Variants in PLXDC1 observed in about 807,000 individuals in gnomAD.
PLXDC1 encodes the protein plexin domain-containing protein 1.
A neutral mutation model predicts 61.3 loss-of-function variants in PLXDC1; 39 were observed. That is an observed-to-expected ratio of 0.64 (90% confidence interval 0.49 to 0.83). The LOEUF is 0.83. Ranked by LOEUF, PLXDC1 falls within the 40% of genes least tolerant of loss-of-function variation. The probability of loss-of-function intolerance (pLI) is 0.00; values close to 1 mark genes in which losing one functional copy is unlikely to be tolerated. For missense variants in PLXDC1, 596 were observed against 666.5 expected (o/e 0.89, Z 1.17); for synonymous variants, 212 against 254.5 (o/e 0.83, Z 1.59).
intron 1 of PLXDC1, among the ~76,000 whole-genome samples, chr17:39,142,311 A>C (rs1911960254): frequency 6.6e-6 from 1 of 152,222 alleles, no homozygotes; most frequent in Admixed American, 6.5e-5. Flanking sequence ...TCCATTCGTG[A>C]CAGCCAGAGG....
At chr17:39,119,091 T>C (rs968079821) in intron 2 of PLXDC1, among the ~76,000 whole-genome samples, 2 of 152,188 alleles carry the variant, frequency 1.3e-5, no homozygotes, top group Non-Finnish European at 2.9e-5. Context: ...TCCCAACAGC[T>C]TTCCAGCTTC....
rs73983242 is a variant in PLXDC1 at position 39,147,987 on chromosome 17, G to C, written c.76+3375C>G. 6.7e-3 allele frequency among the ~76,000 whole-genome samples: 1,020 copies of C among 152,278 alleles called. 13 individuals are homozygous for C. The highest frequency in any genetic ancestry group is 0.023 in the African/African-American group (957 of 41,548). On this transcript the variant is annotated intron_variant, in intron 1 of 13. Transcript: ENST00000315392. The stretch of plus-strand genomic sequence containing the variant: ...ACTCTACACAGAGCCATGAGGTGGG[G>C]CTCTCTGAGGAGGGTCCCCTTGAGC...
At chr17:39,119,573 C>T (rs1197679048) in intron 2 of PLXDC1, among the ~76,000 whole-genome samples, 1 of 151,976 alleles carries the variant, frequency 6.6e-6, no homozygotes, top group Non-Finnish European at 1.5e-5. Flanking sequence ...GTTGAAACCA[C>T]CATCTCTACA....
intron 2 of PLXDC1, among the ~76,000 whole-genome samples, chr17:39,131,469 C>G (rs1911560303): frequency 6.6e-6 from 1 of 152,096 alleles, no homozygotes; most frequent in Non-Finnish European, 1.5e-5. Context: ...TCTCCTGCCT[C>G]AGCTTCCCGA....
At chr17:39,145,291 C>T (rs1053288584) in intron 1 of PLXDC1, among the ~76,000 whole-genome samples, 4 of 152,174 alleles carry the variant, frequency 2.6e-5, no homozygotes, top group African/African-American at 9.7e-5. Flanking sequence ...GCAGTAGCGT[C>T]CCAGTCCCCT....
intron 2 of PLXDC1, among the ~76,000 whole-genome samples, chr17:39,139,272 G>A (rs889902922): frequency 1.3e-5 from 2 of 152,182 alleles, no homozygotes; most frequent in African/African-American, 4.8e-5. Flanking sequence ...TGTAGATGGG[G>A]CAGAAATGGG....
intron 7 of PLXDC1, among the ~76,000 whole-genome samples, chr17:39,101,690 A>G (rs1049295255): frequency 6.6e-6 from 1 of 152,152 alleles, no homozygotes; most frequent in Non-Finnish European, 1.5e-5. Context: ...CCAGAACCAT[A>G]AGCCGGGACC....
chr17:39,146,720 G>A (rs1289360773), intron 1 of PLXDC1, among the ~76,000 whole-genome samples: 2 of 151,200 alleles, frequency 1.3e-5, no homozygotes, highest in Non-Finnish European at 2.9e-5. Flanking sequence ...GCCAGATGTG[G>A]TGGTGCATGC....
chr17:39,128,117 A>ATATATATATATATATATATATATATG lies in PLXDC1; in HGVS notation c.255+11536_255+11537insCATATATATATATATATATATATATA, dbSNP rs1419979117. Among the ~76,000 whole-genome samples, 45 of 96,380 alleles carry ATATATATATATATATATATATATATG rather than the reference A, an allele frequency of 4.7e-4. 2 individuals are homozygous for ATATATATATATATATATATATATATG. Among genetic ancestry groups the ATATATATATATATATATATATATATG allele is most frequent in the African/African-American group, 2.1e-3 (42 of 19,632 alleles). 63.2% of individuals were successfully genotyped at this position (96,380 alleles called of 152,430 possible). ...TATGTGTATATATATATATATATGTATATATATATGTGTATATATATGTAT... is the reference window on the plus strand; with the variant it reads ...TATGTGTATATATATATATATATGTATATATATATATATATATATATATATGTATATATATGTGTATATATATGTAT... On this transcript the variant is annotated intron_variant, in intron 2 of 13. Coordinates refer to ENST00000315392, the MANE Select transcript of PLXDC1 (RefSeq NM_020405.5).
rs761234611 is a variant in PLXDC1 at position 39,067,898 on chromosome 17, G to A, written c.1445C>T (p.Ala482Val). Residue 482 changes from alanine (A) to valine (V), a missense_variant, in exon 14 of 14, where the codon GCG becomes GTG. Transcript: ENST00000315392. ...FRSHPDHSTY[A>V]EVEPSGHEKE... The stretch of plus-strand genomic sequence containing the variant: ...CTCATGGCCCGAGGGCTCCACCTCC[G>A]CATAGGTGGAATGGTCAGGGTGGCT... 15 of 1,613,578 alleles carry A rather than the reference G, an allele frequency of 9.3e-6. No individual in the cohort carries two copies. Among genetic ancestry groups the A allele is most frequent in the African/African-American group, 5.3e-5 (4 of 74,908 alleles).
chr17:39,067,995 C>T, intron 13 of PLXDC1, 36 bp from the exon 14 acceptor site: 1 of 1,604,894 alleles, frequency 6.2e-7, no homozygotes, highest in Non-Finnish European at 8.5e-7. Context: ...AGTGGGCATG[C>T]CCCCGCCCCC....
At chr17:39,086,858 T>TAAAAAAAAAA (rs1909758173) in intron 8 of PLXDC1, among the ~76,000 whole-genome samples, 3 of 5,376 alleles carry the variant, frequency 5.6e-4, no homozygotes, top group Non-Finnish European at 1.6e-3. Flanking sequence ...TGAGACTGTC[T>TAAAAAAAAAA]CAAAAAAAAA....
At chr17:39,138,319 GGA>G in intron 2 of PLXDC1, among the ~76,000 whole-genome samples, 1 of 152,170 alleles carries the variant, frequency 6.6e-6, no homozygotes, top group Non-Finnish European at 1.5e-5. Context: ...AGCAAGGGCA[GGA>G]GAGGGGGCCA....
Position 39,067,742 on chromosome 17 carries a change from A to G in PLXDC1, c.*98T>C, listed in dbSNP as rs1908949180. On this transcript the variant is annotated 3_prime_UTR_variant, in exon 14 of 14. Coordinates refer to ENST00000315392, the MANE Select transcript of PLXDC1 (RefSeq NM_020405.5). ...ATAAACCACCATCTCATCTCAGCCCAGGGCATGCTGGGAGAGGCCAGGAAA... is the reference window on the plus strand; with the variant it reads ...ATAAACCACCATCTCATCTCAGCCCGGGGCATGCTGGGAGAGGCCAGGAAA... 5 of 1,188,276 alleles carry G rather than the reference A, an allele frequency of 4.2e-6. No individual in the cohort carries two copies. The highest frequency in any genetic ancestry group is 6.0e-6 in the Non-Finnish European group (5 of 828,380). 73.6% of individuals were successfully genotyped at this position (1,188,276 alleles called of 1,614,324 possible). A position where few individuals can be genotyped will look rare whatever the true frequency, so the allele number is the denominator to read the frequency against.
At chr17:39,119,441 TG>T (rs1260239895) in intron 2 of PLXDC1, among the ~76,000 whole-genome samples, 1 of 152,208 alleles carries the variant, frequency 6.6e-6, no homozygotes, top group Non-Finnish European at 1.5e-5. Flanking sequence ...TACAATTATT[TG>T]TCAATTAAAA....
intron 7 of PLXDC1, among the ~76,000 whole-genome samples, chr17:39,093,534 T>A (rs1218470366): frequency 6.6e-5 from 10 of 151,994 alleles, no homozygotes; most frequent in Non-Finnish European, 1.5e-5. Flanking sequence ...CTGGCCAACA[T>A]GGTGAAACCT....
chr17:39,130,570 CTTTAT>C (rs1204119851), intron 2 of PLXDC1, among the ~76,000 whole-genome samples: 1 of 151,850 alleles, frequency 6.6e-6, no homozygotes, highest in East Asian at 1.9e-4. Context: ...TTTTATTTTA[CTTTAT>C]TTTATTTTTG....
rs1279141503 is a variant in PLXDC1, at chr17:39,065,854, C to T, written c.*1986G>A. ...ACTGTGCACACCCATCTCAGGCAGC[C>T]GTAGACCCCTACGCCTCCCCACCCC... On this transcript the variant is annotated 3_prime_UTR_variant, in exon 14 of 14. Coordinates refer to ENST00000315392, the MANE Select transcript of PLXDC1 (RefSeq NM_020405.5). 5 of 152,374 alleles carry T rather than the reference C, an allele frequency of 3.3e-5. No homozygotes were observed. The highest frequency in any genetic ancestry group is 9.7e-5 in the African/African-American group (4 of 41,436). 9.4% of individuals were successfully genotyped at this position (152,374 alleles called of 1,614,324 possible).
intron 3 of PLXDC1, 104 bp downstream of exon 3, chr17:39,109,144 A>AGGTC: frequency 6.9e-7 from 1 of 1,455,344 alleles, no homozygotes. Flanking sequence ...GGTACCTCCC[A>AGGTC]GGTCACAGAC....
Sources: allele counts gnomAD v4.1 joint callset (sites outside exome capture counted in the v4.1 genomes callset), GRCh38; gene constraint gnomAD v4.1.1; transcripts MANE v1.5; gene names NCBI Gene and HGNC (gene_info 2026-07-23, HGNC 2026-07-21).